Variants in TIAM2 observed in about 807,000 individuals in gnomAD.
The protein encoded by TIAM2 is TIAM Rac1 associated GEF 2.
Under a neutral mutation model 152.9 loss-of-function variants are expected in TIAM2, and 80 were observed. The observed-to-expected ratio is 0.52, with a 90% CI of 0.44 to 0.63. The LOEUF (loss-of-function observed/expected upper bound fraction) is 0.63. Among genes scored for constraint, TIAM2 ranks in the 30% least tolerant of loss-of-function variants. TIAM2 has a pLI of 0.00. For missense variants in TIAM2, 1,965 were observed against 2,120.1 expected (o/e 0.93, Z 1.44); for synonymous variants, 804 against 838.0 (o/e 0.96, Z 0.70).
At chr6:155,236,723 T>A (rs537359030) in intron 15 of TIAM2, among the ~76,000 whole-genome samples, 65 of 152,270 alleles carry the variant, frequency 4.3e-4, no homozygotes, top group African/African-American at 1.5e-3. Flanking sequence ...CAAAGAGAGC[T>A]TGTGCAGAGA....
Position 155,190,513 on chromosome 6 carries a change from G to T in TIAM2, c.3064+7013G>T, listed in dbSNP as rs73577411. Among the ~76,000 whole-genome samples, 1,228 of 152,304 alleles carry T rather than the reference G, an allele frequency of 8.1e-3. 14 individuals are homozygous for T. Among genetic ancestry groups the T allele is most frequent in the African/African-American group, 0.028 (1,161 of 41,554 alleles). Reference sequence around the variant, plus strand: ...GGCTGGTGGGGAGGGGACACCCCATGGCAAAGAGGACCAGGCAGTATGAGG... The same window carrying T: ...GGCTGGTGGGGAGGGGACACCCCATTGCAAAGAGGACCAGGCAGTATGAGG... On this transcript the variant is annotated intron_variant, in intron 14 of 26. Transcript: ENST00000682666.
At chr6:155,130,451 C>A in intron 4 of TIAM2, 34 bp downstream of exon 4, 1 of 1,573,524 alleles carries the variant, frequency 6.4e-7, no homozygotes, top group South Asian at 1.2e-5. Context: ...GAAGGGTCCC[C>A]ACAGTTTCCC....
intron 7 of TIAM2, among the ~76,000 whole-genome samples, chr6:155,149,990 A>T (rs1779915702): frequency 6.6e-6 from 1 of 152,074 alleles, no homozygotes; most frequent in Non-Finnish European, 1.5e-5. Flanking sequence ...GATTAAAGGC[A>T]TGCATTCAAT....
At chr6:155,021,331 G>A (rs994600842) in intron 1 of TIAM2, among the ~76,000 whole-genome samples, 2 of 151,920 alleles carry the variant, frequency 1.3e-5, no homozygotes, top group Non-Finnish European at 2.9e-5. Flanking sequence ...GTACGATCTC[G>A]GCTCACCGCA....
intron 15 of TIAM2, among the ~76,000 whole-genome samples, chr6:155,238,638 C>G (rs1194248724): frequency 6.6e-6 from 1 of 152,254 alleles, no homozygotes; most frequent in African/African-American, 2.4e-5. Flanking sequence ...AGCAGGCTCC[C>G]TCCAGGACAT....
chr6:155,207,456 G>T (rs1025046257), intron 14 of TIAM2, among the ~76,000 whole-genome samples: 1 of 152,346 alleles, frequency 6.6e-6, no homozygotes, highest in South Asian at 2.1e-4. Context: ...CAGGGACTCT[G>T]TATGCACAGA....
At chr6:155,083,324 G>A (rs1778109744) in intron 1 of TIAM2, among the ~76,000 whole-genome samples, 1 of 147,948 alleles carries the variant, frequency 6.8e-6, no homozygotes, top group Admixed American at 7.0e-5. Flanking sequence ...ACTCCAGTCT[G>A]GGCAACAGAG....
intron 15 of TIAM2, among the ~76,000 whole-genome samples, chr6:155,231,130 CTG>C (rs1782457598): frequency 6.6e-6 from 1 of 152,200 alleles, no homozygotes; most frequent in African/African-American, 2.4e-5. Flanking sequence ...GCGTGAGCCA[CTG>C]CACCCGGCCC....
chr6:155,040,519 TTTGTTGTTG>T (rs919990804), intron 1 of TIAM2, among the ~76,000 whole-genome samples: 2 of 152,010 alleles, frequency 1.3e-5, no homozygotes, highest in African/African-American at 4.8e-5. Flanking sequence ...ATTCTTTTTT[TTTGTTGTTG>T]TTGTTGTTGA....
At chr6:155,195,728 T>C (rs1229477309) in intron 14 of TIAM2, among the ~76,000 whole-genome samples, 37 of 152,190 alleles carry the variant, frequency 2.4e-4, no homozygotes, top group Admixed American at 2.4e-3. Flanking sequence ...AGGCCGGTAG[T>C]GCTCAGGGAA....
chr6:155,083,357 A>AT (rs1778111386), intron 1 of TIAM2, among the ~76,000 whole-genome samples: 2 of 150,490 alleles, frequency 1.3e-5, no homozygotes, highest in East Asian at 4.0e-4. Flanking sequence ...TCAAAAAAAA[A>AT]AAAAAAAAAA....
chr6:155,049,369 A>G (rs752319429), intron 1 of TIAM2, among the ~76,000 whole-genome samples: 1 of 152,172 alleles, frequency 6.6e-6, no homozygotes, highest in African/African-American at 2.4e-5. Context: ...TCTGCAGGTC[A>G]TTCATACCTG....
intron 9 of TIAM2, chr6:155,168,816 A>C (rs111776057): frequency 6.6e-7 from 1 of 1,524,134 alleles, no homozygotes; most frequent in East Asian, 2.5e-5. Context: ...GGGCCATTTC[A>C]TTAGTCTTTT....
At chr6:155,008,622 C>T (rs1051259752) in intron 1 of TIAM2, among the ~76,000 whole-genome samples, 1 of 151,926 alleles carries the variant, frequency 6.6e-6, no homozygotes, top group Non-Finnish European at 1.5e-5. Flanking sequence ...CTGCTCCTTG[C>T]AGAGCAGGGC....
intron 10 of TIAM2, among the ~76,000 whole-genome samples, chr6:155,177,829 C>T (rs1345328999): frequency 6.6e-6 from 1 of 152,058 alleles, no homozygotes; most frequent in Non-Finnish European, 1.5e-5. Context: ...TGTTCTATAC[C>T]AATGATATCC....
intron 14 of TIAM2, among the ~76,000 whole-genome samples, chr6:155,207,649 CAA>C (rs941842745): frequency 5.3e-5 from 8 of 152,174 alleles, no homozygotes; most frequent in African/African-American, 1.9e-4. Context: ...CGGTGGCACC[CAA>C]AGTTTCCTTG....
intron 7 of TIAM2, among the ~76,000 whole-genome samples, chr6:155,157,950 C>A (rs1415442771): frequency 3.9e-5 from 6 of 152,084 alleles, no homozygotes; most frequent in Non-Finnish European, 1.5e-5. Context: ...CAAAGGAAAA[C>A]AGAACAAAAC....
intron 23 of TIAM2, 33 bp from the exon 24 acceptor site, chr6:155,252,915 T>TAACA (rs1205217543): frequency 6.3e-7 from 1 of 1,588,394 alleles, no homozygotes; most frequent in African/African-American, 1.3e-5. Flanking sequence ...ACAGCTTCCC[T>TAACA]AACACTTTTC....
chr6:155,172,679 T>G (rs1478524962), intron 9 of TIAM2, among the ~76,000 whole-genome samples: 4 of 14,918 alleles, frequency 2.7e-4, no homozygotes, highest in African/African-American at 1.4e-3. Context: ...TATATATATA[T>G]ATATATATTT....
Sources: allele counts gnomAD v4.1 joint callset (sites outside exome capture counted in the v4.1 genomes callset), GRCh38; gene constraint gnomAD v4.1.1; transcripts MANE v1.5; gene names NCBI Gene and HGNC (gene_info 2026-07-23, HGNC 2026-07-21).